The following ATF7IP variants were observed in gnomAD, a reference collection of about 807,000 sequenced individuals.
The protein encoded by ATF7IP is activating transcription factor 7 interacting protein, also known as activating transcription factor 7-interacting protein 1.
ATF7IP carries 23 observed loss-of-function variants against 106.4 expected under a neutral mutation model. The observed-to-expected ratio is 0.22, with a 90% CI of 0.16 to 0.31. ATF7IP has a LOEUF of 0.31. Among genes scored for constraint, ATF7IP ranks in the 10% least tolerant of loss-of-function variants. The pLI, the probability that ATF7IP is intolerant of heterozygous loss-of-function variation, is 1.00. For synonymous variants in ATF7IP, 542 were observed against 539.0 expected (o/e 1.01, Z -0.08); for missense variants, 1,334 against 1,524.3 (o/e 0.88, Z 2.08).
At position 14,498,022 on chromosome 12, in the gene ATF7IP, T is replaced by G; in HGVS notation, c.3762T>G (p.Pro1254=). Residue 1254 remains proline (P), a synonymous_variant, in exon 15 of 15, where the codon CCT becomes CCG. Transcript: ENST00000261168. ...AGGATATTTATGGACGTTTTGGGCC[T>G]TTCTGTGATCCTCAGTCAACAGATG... is the stretch of plus-strand genomic sequence containing the variant. ...RAKDIYGRFG[P]FCDPQSTDVI... is the part of the protein sequence containing the mutation. 6.2e-7 allele frequency: 1 copy of G among 1,612,996 alleles called. No homozygotes were observed.
At chr12:14,441,172 T>G (rs957956247) in intron 5 of ATF7IP, among the ~76,000 whole-genome samples, 2 of 152,212 alleles carry the variant, frequency 1.3e-5, no homozygotes, top group Non-Finnish European at 2.9e-5. Context: ...CCACAGTGGC[T>G]ATACCATTTT....
At chr12:14,423,762 A>T in intron 1 of ATF7IP, 147 bp from the exon 2 acceptor site, 3 of 790,816 alleles carry the variant, frequency 3.8e-6, no homozygotes, top group South Asian at 4.3e-5. Flanking sequence ...TATGATAATT[A>T]GTATACAACA....
chr12:14,374,311 G>A (rs1010294023), intron 1 of ATF7IP, among the ~76,000 whole-genome samples: 1 of 95,084 alleles, frequency 1.1e-5, no homozygotes, highest in African/African-American at 4.0e-5. Context: ...TGGGGGTCTT[G>A]CCTTGTTGCC....
At chr12:14,497,062 C>T (rs1239521887) in intron 14 of ATF7IP, among the ~76,000 whole-genome samples, 1 of 152,136 alleles carries the variant, frequency 6.6e-6, no homozygotes, top group Non-Finnish European at 1.5e-5. Flanking sequence ...TGCCTTTGCT[C>T]ATGCTTTATT....
At chr12:14,448,550 C>A (rs1424503410) in intron 6 of ATF7IP, among the ~76,000 whole-genome samples, 1 of 152,102 alleles carries the variant, frequency 6.6e-6, no homozygotes, top group Non-Finnish European at 1.5e-5. Context: ...ATTATTGTTA[C>A]ATCTGTTGAT....
At chr12:14,491,220 C>T (rs1420518888) in intron 13 of ATF7IP, among the ~76,000 whole-genome samples, 1 of 152,178 alleles carries the variant, frequency 6.6e-6, no homozygotes, top group Admixed American at 6.5e-5. Flanking sequence ...AAACTGGCAG[C>T]CTTTCAGGTC....
At chr12:14,383,099 A>G (rs1375114203) in intron 1 of ATF7IP, among the ~76,000 whole-genome samples, 1 of 152,206 alleles carries the variant, frequency 6.6e-6, no homozygotes, top group Admixed American at 6.5e-5. Context: ...GGATGGATAA[A>G]GCTCTGTCAG....
intron 1 of ATF7IP, among the ~76,000 whole-genome samples, chr12:14,404,926 G>A (rs973489796): frequency 9.2e-5 from 14 of 152,086 alleles, no homozygotes; most frequent in African/African-American, 3.4e-4. Flanking sequence ...TCCAAAAGAT[G>A]AAACTAAGTG....
chr12:14,408,961 AC>A (rs1940761765), intron 1 of ATF7IP, among the ~76,000 whole-genome samples: 1 of 152,124 alleles, frequency 6.6e-6, no homozygotes, highest in African/African-American at 2.4e-5. Flanking sequence ...CTAATATTAT[AC>A]TAGAATACTT....
chr12:14,395,816 A>C (rs1939805971), intron 1 of ATF7IP, among the ~76,000 whole-genome samples: 1 of 151,978 alleles, frequency 6.6e-6, no homozygotes, highest in Non-Finnish European at 1.5e-5. Context: ...TCTATATTTA[A>C]ATTTATTATT....
At chr12:14,485,113 A>G (rs1944557320) in intron 13 of ATF7IP, among the ~76,000 whole-genome samples, 1 of 152,018 alleles carries the variant, frequency 6.6e-6, no homozygotes, top group Non-Finnish European at 1.5e-5. Flanking sequence ...TCACACCTCA[A>G]GCACCATTGA....
chr12:14,392,807 T>C (rs1203049520), intron 1 of ATF7IP, among the ~76,000 whole-genome samples: 1 of 152,224 alleles, frequency 6.6e-6, no homozygotes, highest in African/African-American at 2.4e-5. Context: ...ATAGAAATTT[T>C]TACATCAATC....
intron 9 of ATF7IP, 114 bp downstream of exon 9, chr12:14,461,247 A>C: frequency 1.0e-6 from 1 of 963,470 alleles, no homozygotes. Context: ...AATAAATAGA[A>C]TTTTCTTGAT....
intron 1 of ATF7IP, among the ~76,000 whole-genome samples, chr12:14,402,127 C>CTTTTTTTTTTTTTTTTTTTTT (rs11297116): frequency 9.8e-6 from 1 of 101,874 alleles, no homozygotes; most frequent in Non-Finnish European, 1.9e-5. Flanking sequence ...TTTCTTCTTT[C>CTTTTTTTTTTTTTTTTTTTTT]TTTTTTTTTT....
At chr12:14,411,451 G>A (rs568673179) in intron 1 of ATF7IP, among the ~76,000 whole-genome samples, 4 of 151,958 alleles carry the variant, frequency 2.6e-5, no homozygotes, top group African/African-American at 7.2e-5. Context: ...ACGGGTTGAC[G>A]GGTGCAGCAA....
chr12:14,456,518 G>A (rs2136703319), intron 6 of ATF7IP, 43 bp from the exon 7 acceptor site: 1 of 1,388,374 alleles, frequency 7.2e-7, no homozygotes, highest in Non-Finnish European at 1.0e-6. Flanking sequence ...GATTCCCTGT[G>A]TGTTGAGTTT....
rs551840799 is a variant in ATF7IP at position 14,464,212 on chromosome 12, C to T, written c.2798-2314C>T. ...CTGCAGTCCCAGCTACCCAGGAGGCCGAAGCAGGAGGCCGAAGCAGGAGGA... is the reference window on the plus strand; with the variant it reads ...CTGCAGTCCCAGCTACCCAGGAGGCTGAAGCAGGAGGCCGAAGCAGGAGGA... On this transcript the variant is annotated intron_variant, in intron 9 of 14. Transcript: ENST00000261168. Among the ~76,000 whole-genome samples the T allele has an allele frequency of 2.6e-5, 4 of 151,762 alleles. No homozygotes were observed. In the South Asian group the frequency reaches 8.3e-4, roughly 32 times the overall value.
chr12:14,366,135 C>T (rs1938282912), intron 1 of ATF7IP, among the ~76,000 whole-genome samples: 1 of 152,208 alleles, frequency 6.6e-6, no homozygotes, highest in South Asian at 2.1e-4. Context: ...TTTGTGTTAA[C>T]CTTAAATTCT....
chr12:14,446,074 TTGTA>T (rs910410360), intron 5 of ATF7IP, among the ~76,000 whole-genome samples: 1 of 152,158 alleles, frequency 6.6e-6, no homozygotes, highest in Non-Finnish European at 1.5e-5. Context: ...ATCAGGGAGT[TTGTA>T]TAAGTACAAC....
Sources: allele counts gnomAD v4.1 joint callset (sites outside exome capture counted in the v4.1 genomes callset), GRCh38; gene constraint gnomAD v4.1.1; transcripts MANE v1.5; gene names NCBI Gene and HGNC (gene_info 2026-07-23, HGNC 2026-07-21).